The following LINGO1 variants were observed in gnomAD, a reference collection of about 807,000 sequenced individuals.
LINGO1 encodes the protein leucine rich repeat and Ig domain containing 1.
In LINGO1, 11 loss-of-function variants were observed where a neutral mutation model predicts 37.3. The ratio of observed to expected loss-of-function variants is 0.29; its 90% CI spans 0.19 to 0.49. LINGO1 has a LOEUF of 0.49. Ranked by LOEUF, LINGO1 falls within the 20% of genes least tolerant of loss-of-function variation. The pLI, the probability that LINGO1 is intolerant of heterozygous loss-of-function variation, is 0.99. For missense variants in LINGO1, 585 were observed against 878.2 expected (o/e 0.67, Z 4.22); for synonymous variants, 387 against 403.0 (o/e 0.96, Z 0.48).
chr15:77,619,549 G>T (rs1269573236), intron 1 of LINGO1, among the ~76,000 whole-genome samples: 1 of 152,026 alleles, frequency 6.6e-6, no homozygotes, highest in Non-Finnish European at 1.5e-5. Flanking sequence ...AGCCAGGCAT[G>T]GTGGGGTGCA....
At chr15:77,791,504 G>A (rs2141445670), upstream of LINGO1, among the ~76,000 whole-genome samples, 1 of 152,140 alleles carries the variant, frequency 6.6e-6, no homozygotes, top group Non-Finnish European at 1.5e-5. Context: ...AGAGTCACCT[G>A]TTGGAAAGAA....
chr15:77,756,517 C>T (rs1318972739), intron 1 of LINGO1, among the ~76,000 whole-genome samples: 1 of 148,098 alleles, frequency 6.8e-6, no homozygotes, highest in African/African-American at 2.5e-5. Context: ...CACACACACA[C>T]ACATTCCTGC....
At chr15:77,625,874 T>C (rs2074073244) in intron 1 of LINGO1, among the ~76,000 whole-genome samples, 1 of 152,152 alleles carries the variant, frequency 6.6e-6, no homozygotes, top group Admixed American at 6.5e-5. Context: ...GACTTCACAC[T>C]GCCCTCACTG....
At chr15:77,692,802 A>C (rs1390744453) in intron 1 of LINGO1, among the ~76,000 whole-genome samples, 1 of 152,212 alleles carries the variant, frequency 6.6e-6, no homozygotes, top group African/African-American at 2.4e-5. Context: ...TCCAGCCGCC[A>C]GCAAGTGCTG....
At chr15:77,654,144 T>G (rs1443583938) in intron 3 of LINGO1, among the ~76,000 whole-genome samples, 1 of 152,206 alleles carries the variant, frequency 6.6e-6, no homozygotes, top group Non-Finnish European at 1.5e-5. Context: ...TGGTAACTGA[T>G]GCACAGGTAG....
intron 3 of LINGO1, among the ~76,000 whole-genome samples, chr15:77,642,245 G>T (rs1375404055): frequency 6.6e-6 from 1 of 152,196 alleles, no homozygotes; most frequent in East Asian, 1.9e-4. Flanking sequence ...CTGCGGAGGG[G>T]GAAGGTGTCC....
chr15:77,752,176 G>A (rs575805063), intron 1 of LINGO1, among the ~76,000 whole-genome samples: 2 of 152,288 alleles, frequency 1.3e-5, no homozygotes, highest in African/African-American at 4.8e-5. Context: ...AGCATCCCTG[G>A]AAAATGTTGG....
At chr15:77,627,472 G>A (rs534101232) in intron 1 of LINGO1, among the ~76,000 whole-genome samples, 1 of 152,290 alleles carries the variant, frequency 6.6e-6, no homozygotes, top group South Asian at 2.1e-4. Flanking sequence ...TTCGATCCAT[G>A]AGCAAGAGCA....
intron 2 of LINGO1, among the ~76,000 whole-genome samples, chr15:77,703,231 C>T (rs2075806681): frequency 6.6e-6 from 1 of 152,172 alleles, no homozygotes. Flanking sequence ...TGGACCAGTT[C>T]CCCCATGAAA....
At chr15:77,787,241 G>A (rs2076780540), upstream of LINGO1, 1 of 152,352 alleles carries the variant, frequency 6.6e-6, no homozygotes, top group South Asian at 2.1e-4. Flanking sequence ...CCCATCCAGA[G>A]CGCACGGTCG....
At chr15:77,692,110 G>T (rs1044035977) in intron 1 of LINGO1, among the ~76,000 whole-genome samples, 1 of 152,216 alleles carries the variant, frequency 6.6e-6, no homozygotes, top group Admixed American at 6.5e-5. Context: ...CATTACGGCT[G>T]CCCTTTCCTT....
In LINGO1 at chr15:77,632,341, G is replaced by A; in HGVS notation, c.-26C>T. 7.0e-7 allele frequency: 1 copy of A among 1,429,238 alleles called. No homozygotes were observed. Among genetic ancestry groups the A allele is most frequent in the East Asian group, 3.0e-5 (1 of 32,798 alleles). The allele number at this position is 1,429,238 out of a possible 1,614,324, so 88.5% of individuals were successfully genotyped here. ...CTCGGGCGCGCCTTCGGTCCGCTCG[G>A]CTCGGTCACCAATCGCATGTCTCTC... is the stretch of plus-strand genomic sequence containing the variant. On this transcript the variant is annotated 5_prime_UTR_variant, in exon 1 of 2. Transcript: ENST00000355300. The surrounding 1 kb of genome is among the most constrained non-coding windows in gnomAD (Gnocchi z 6.0).
chr15:77,713,473 C>T (rs913413729), intron 2 of LINGO1, among the ~76,000 whole-genome samples: 1 of 150,252 alleles, frequency 6.7e-6, no homozygotes, highest in South Asian at 2.1e-4. Context: ...CAGAGGAGGA[C>T]AAATTAGTAG....
chr15:77,743,250 C>T (rs916304149), intron 1 of LINGO1, among the ~76,000 whole-genome samples: 3 of 152,152 alleles, frequency 2.0e-5, no homozygotes, highest in African/African-American at 7.2e-5. Context: ...ACCTCCAGCA[C>T]ACCTTCACCG....
At chr15:77,779,329 C>T (rs1209676382) in intron 1 of LINGO1, among the ~76,000 whole-genome samples, 1 of 152,150 alleles carries the variant, frequency 6.6e-6, no homozygotes, top group Non-Finnish European at 1.5e-5. Flanking sequence ...GACAATTTTT[C>T]CACAGCCCAG....
At chr15:77,800,895 T>C (rs904970416) in intron 1 of LINGO1, among the ~76,000 whole-genome samples, 7 of 152,200 alleles carry the variant, frequency 4.6e-5, no homozygotes, top group Non-Finnish European at 1.0e-4. Context: ...AGGAATTAAA[T>C]TGGCCAATAA....
At chr15:77,770,488 G>A (rs1432370215) in intron 1 of LINGO1, among the ~76,000 whole-genome samples, 1 of 150,956 alleles carries the variant, frequency 6.6e-6, no homozygotes, top group Admixed American at 6.6e-5. Flanking sequence ...TCAGGAGACT[G>A]AGGCAGGAGA....
At chr15:77,674,516 C>T (rs1376207286) in intron 3 of LINGO1, among the ~76,000 whole-genome samples, 1 of 152,066 alleles carries the variant, frequency 6.6e-6, no homozygotes, top group Non-Finnish European at 1.5e-5. Flanking sequence ...GCTGCATGGC[C>T]CACTCTCTCC....
At chr15:77,637,818 T>TCCACAGCCAGC (rs1484587230), upstream of LINGO1, among the ~76,000 whole-genome samples, 4 of 152,178 alleles carry the variant, frequency 2.6e-5, no homozygotes, top group African/African-American at 9.6e-5. The surrounding 1 kb of genome is among the most constrained non-coding windows in gnomAD (Gnocchi z 4.6). Flanking sequence ...TCCTCCAGTT[T>TCCACAGCCAGC]CCACAGCCAG....
Sources: gnomAD v4.1 joint callset for allele counts (sites outside exome capture counted in the v4.1 genomes callset) on GRCh38, gnomAD v4.1.1 for gene constraint, Gnocchi (gnomAD v3.1) non-coding constraint, MANE v1.5 for transcripts, NCBI Gene and HGNC (gene_info 2026-07-23, HGNC 2026-07-21) for gene names.